CDH18: variants seen among roughly 807,000 people sequenced by gnomAD.
CDH18 encodes the protein cadherin-18.
Under a neutral mutation model 67.9 loss-of-function variants are expected in CDH18, and 31 were observed. The ratio of observed to expected loss-of-function variants is 0.46; its 90% CI spans 0.34 to 0.62. The LOEUF (loss-of-function observed/expected upper bound fraction) is 0.62, where lower values mean the gene tolerates loss of function less well. Ranked by LOEUF, CDH18 falls within the 20% of genes least tolerant of loss-of-function variation. CDH18 has a pLI of 0.01. For synonymous variants in CDH18, 362 were observed against 347.2 expected, an observed-to-expected ratio of 1.04 and a Z score of -0.48; for missense variants, 890 against 975.5, an observed-to-expected ratio of 0.91 and a Z score of 1.17.
At chr5:20,004,206 G>A (rs964273353) in intron 2 of CDH18, among the ~76,000 whole-genome samples, 2 of 152,056 alleles carry the variant, frequency 1.3e-5, no homozygotes, top group African/African-American at 2.4e-5. Flanking sequence ...TATTTTTACT[G>A]GTCCAAGCCA....
At chr5:20,050,630 G>T (rs1325175787) in intron 2 of CDH18, among the ~76,000 whole-genome samples, 1 of 151,708 alleles carries the variant, frequency 6.6e-6, no homozygotes, top group Non-Finnish European at 1.5e-5. Flanking sequence ...ATGTATAACA[G>T]ACATTGCAAA....
intron 1 of CDH18, among the ~76,000 whole-genome samples, chr5:20,508,326 TA>T (rs1754780653): frequency 7.7e-5 from 1 of 13,000 alleles, no homozygotes; most frequent in African/African-American, 8.9e-4. Context: ...ACTATGATTA[TA>T]TATATATATA....
chr5:19,792,346 C>T (rs1438406803), intron 3 of CDH18, among the ~76,000 whole-genome samples: 1 of 152,138 alleles, frequency 6.6e-6, no homozygotes, highest in African/African-American at 2.4e-5. Context: ...GGCTTCGTAA[C>T]TTACACCAGT....
intron 5 of CDH18, among the ~76,000 whole-genome samples, chr5:19,613,142 C>T (rs576599117): frequency 5.6e-4 from 85 of 152,000 alleles, no homozygotes; most frequent in Admixed American, 9.8e-4. Context: ...GAGACTCCAA[C>T]TAAAAAAATA....
intron 2 of CDH18, among the ~76,000 whole-genome samples, chr5:20,186,984 C>A (rs1738153695): frequency 6.6e-6 from 1 of 151,906 alleles, no homozygotes; most frequent in South Asian, 2.1e-4. Context: ...GAAATTCTGA[C>A]ACAAGTTATA....
rs1746382084 is a variant in CDH18, at chr5:20,100,690, T to G, written c.-517-108676A>C. Among the ~76,000 whole-genome samples the G allele has an allele frequency of 2.0e-5, 3 of 152,142 alleles. No individual in the cohort carries two copies. The South Asian group carries it at 6.2e-4, about 31-fold the overall frequency. On this transcript the variant is annotated intron_variant, in intron 2 of 14. Transcript: ENST00000507958. The stretch of plus-strand genomic sequence containing the variant: ...TTACCTATACATCTGGCCTCCACTT[T>G]TTGATTCTTAATTTACTCTTTAGCT...
At chr5:20,033,099 A>G (rs1383242070) in intron 2 of CDH18, among the ~76,000 whole-genome samples, 1 of 151,984 alleles carries the variant, frequency 6.6e-6, no homozygotes, top group African/African-American at 2.4e-5. Flanking sequence ...CTGCAGCTCT[A>G]AAACTGGTTT....
intron 5 of CDH18, among the ~76,000 whole-genome samples, chr5:19,623,553 ATT>A: frequency 6.6e-6 from 1 of 152,134 alleles, no homozygotes; most frequent in Non-Finnish European, 1.5e-5. Context: ...TATGATGCTT[ATT>A]TATTCATTGG....
intron 3 of CDH18, among the ~76,000 whole-genome samples, chr5:19,788,936 T>C (rs867044982): frequency 6.6e-6 from 1 of 152,182 alleles, no homozygotes; most frequent in African/African-American, 2.4e-5. Context: ...TAGTTAGCGA[T>C]AGGGGATTGT....
chr5:19,900,298 CAG>C (rs1789805060), intron 2 of CDH18, among the ~76,000 whole-genome samples: 1 of 151,926 alleles, frequency 6.6e-6, no homozygotes, highest in Non-Finnish European at 1.5e-5. Context: ...AAATTACAGT[CAG>C]AAATAAATTT....
chr5:20,340,483 T>A (rs1377669929), intron 1 of CDH18, among the ~76,000 whole-genome samples: 1 of 152,166 alleles, frequency 6.6e-6, no homozygotes, highest in Non-Finnish European at 1.5e-5. Flanking sequence ...CAAGACACTT[T>A]AAGAAGGATT....
intron 1 of CDH18, among the ~76,000 whole-genome samples, chr5:20,530,768 C>G (rs1756351216): frequency 6.6e-6 from 1 of 151,952 alleles, no homozygotes; most frequent in African/African-American, 2.4e-5. Context: ...ATGTAAAACT[C>G]AAAACCATAA....
chr5:19,900,651 G>A (rs1198732302), intron 2 of CDH18, among the ~76,000 whole-genome samples: 1 of 152,026 alleles, frequency 6.6e-6, no homozygotes, highest in Non-Finnish European at 1.5e-5. Context: ...ATTATGTATG[G>A]TATAATTCCA....
chr5:19,837,414 T>C (rs543703342), intron 3 of CDH18, among the ~76,000 whole-genome samples: 1 of 148,508 alleles, frequency 6.7e-6, no homozygotes, highest in Non-Finnish European at 1.5e-5. Context: ...ATAATTTTTT[T>C]AAAAAAAAAA....
chr5:19,937,962 T>C (rs1794449550), intron 2 of CDH18, among the ~76,000 whole-genome samples: 1 of 119,464 alleles, frequency 8.4e-6, no homozygotes, highest in Admixed American at 7.7e-5. Flanking sequence ...ATATATTTGC[T>C]ATATATATAT....
chr5:20,210,373 T>C (rs960215321), intron 2 of CDH18, among the ~76,000 whole-genome samples: 5 of 151,954 alleles, frequency 3.3e-5, no homozygotes, highest in Non-Finnish European at 7.4e-5. Flanking sequence ...ATTTTCAGAG[T>C]TATGTATTTC....
intron 2 of CDH18, among the ~76,000 whole-genome samples, chr5:19,976,576 T>C (rs1236614118): frequency 1.3e-5 from 2 of 152,132 alleles, no homozygotes; most frequent in East Asian, 3.9e-4. Flanking sequence ...TCAGGCATAT[T>C]ATTTAGTAGT....
chr5:20,276,125 C>T (rs1229751269), intron 1 of CDH18, among the ~76,000 whole-genome samples: 1 of 152,206 alleles, frequency 6.6e-6, no homozygotes, highest in Non-Finnish European at 1.5e-5. Flanking sequence ...AACTGCAATT[C>T]ATGGGGCAAA....
chr5:19,693,197 G>C (rs1762122759), intron 5 of CDH18, among the ~76,000 whole-genome samples: 1 of 151,910 alleles, frequency 6.6e-6, no homozygotes, highest in African/African-American at 2.4e-5. Context: ...AAAAAAAGCT[G>C]ATCTTGTAAT....
Sources: gnomAD v4.1 joint callset for allele counts (sites outside exome capture counted in the v4.1 genomes callset) on GRCh38, gnomAD v4.1.1 for gene constraint, MANE v1.5 for transcripts, NCBI Gene and HGNC (gene_info 2026-07-23, HGNC 2026-07-21) for gene names.